The following CACNA1C variants were observed in gnomAD, a reference collection of about 807,000 sequenced individuals.
CACNA1C encodes voltage-dependent L-type calcium channel subunit alpha-1C.
A neutral mutation model predicts 229.0 loss-of-function variants in CACNA1C; 30 were observed. The observed-to-expected ratio is 0.13, with a 90% CI of 0.10 to 0.18. CACNA1C has a LOEUF of 0.18. Ranked by LOEUF, CACNA1C falls within the 10% of genes least tolerant of loss-of-function variation. CACNA1C has a pLI of 1.00. For synonymous variants in CACNA1C, 1,114 were observed against 1,132.5 expected (o/e 0.98, Z 0.33); for missense variants, 1,658 against 2,845.0 (o/e 0.58, Z 9.49).
intron 3 of CACNA1C, among the ~76,000 whole-genome samples, chr12:2,374,914 C>T (rs190785296): frequency 6.2e-4 from 95 of 152,300 alleles, no homozygotes; most frequent in African/African-American, 2.0e-3. Flanking sequence ...GGCTTCACAT[C>T]GGGATCTGTG....
At chr12:2,588,272 G>A (rs573939470) in intron 18 of CACNA1C, among the ~76,000 whole-genome samples, 73 of 152,324 alleles carry the variant, frequency 4.8e-4, no homozygotes, top group Middle Eastern at 3.4e-3. Flanking sequence ...CTTCCAGGCC[G>A]CTGGCCCCTG....
chr12:2,166,134 C>T (rs2096213864), intron 3 of CACNA1C, among the ~76,000 whole-genome samples: 1 of 152,184 alleles, frequency 6.6e-6, no homozygotes, highest in African/African-American at 2.4e-5. Flanking sequence ...TGTGTTACAT[C>T]AGCCCTCAGC....
intron 43 of CACNA1C, among the ~76,000 whole-genome samples, chr12:2,684,757 A>C (rs1169717928): frequency 6.6e-6 from 1 of 152,236 alleles, no homozygotes; most frequent in Non-Finnish European, 1.5e-5. Context: ...GATTTGCATA[A>C]GAAGAAAATA....
intron 3 of CACNA1C, among the ~76,000 whole-genome samples, chr12:2,357,419 GT>G: frequency 6.6e-6 from 1 of 152,252 alleles, no homozygotes; most frequent in East Asian, 1.9e-4. Context: ...TTTGGGGCAT[GT>G]TTTGTTTGGT....
chr12:2,670,774 G>A (rs748607669), intron 38 of CACNA1C, among the ~76,000 whole-genome samples: 48 of 151,670 alleles, frequency 3.2e-4, no homozygotes, highest in Admixed American at 5.9e-4. Context: ...CAGGAGAATC[G>A]CTTGAACCTG....
At chr12:2,582,755 C>T in intron 14 of CACNA1C, 67 bp from the exon 15 acceptor site, 8 of 1,572,588 alleles carry the variant, frequency 5.1e-6, no homozygotes, top group Non-Finnish European at 7.0e-6. Context: ...TGGGGCAGGG[C>T]AGGGTGGTTT....
chr12:2,315,897 C>G (rs748814018), intron 3 of CACNA1C, among the ~76,000 whole-genome samples: 6 of 152,196 alleles, frequency 3.9e-5, no homozygotes, highest in African/African-American at 7.2e-5. Flanking sequence ...TGGTCAAAGT[C>G]TCTTAATGTC....
At chr12:1,987,874 T>A (rs2038252156) in intron 1 of CACNA1C, among the ~76,000 whole-genome samples, 1 of 152,226 alleles carries the variant, frequency 6.6e-6, no homozygotes, top group Non-Finnish European at 1.5e-5. Flanking sequence ...AAGGGTTTCT[T>A]CTGTCTCCCT....
chr12:2,241,620 A>C (rs2070297517), intron 3 of CACNA1C, among the ~76,000 whole-genome samples: 1 of 152,162 alleles, frequency 6.6e-6, no homozygotes, highest in Non-Finnish European at 1.5e-5. Flanking sequence ...CCAGCTGAGC[A>C]CTGGCAGGTG....
chr12:2,695,429 T>G lies in CACNA1C; in HGVS notation c.*4230T>G, dbSNP rs2097833015. On this transcript the variant is annotated 3_prime_UTR_variant, in exon 47 of 47. Coordinates refer to ENST00000399655, the MANE Select transcript of CACNA1C (RefSeq NM_000719.7). ...CCCCCCTCTGCTGATGTCCCTCCCC[T>G]CAGGCTGTCCAGGTGCCACCTGACA... 1 of 152,212 alleles carries G rather than the reference T, an allele frequency of 6.6e-6. No individual in the cohort carries two copies. Among genetic ancestry groups the G allele is most frequent in the African/African-American group, 2.4e-5 (1 of 41,420 alleles). 9.4% of individuals were successfully genotyped at this position (152,212 alleles called of 1,614,324 possible).
intron 39 of CACNA1C, 92 bp downstream of exon 39, chr12:2,674,734 C>T (rs889854353): frequency 1.5e-5 from 18 of 1,207,946 alleles, no homozygotes; most frequent in Middle Eastern, 2.8e-4. Context: ...CCTTAGAATG[C>T]GGAAGCATCC....
At chr12:2,540,095 G>A (rs1054129683) in intron 9 of CACNA1C, among the ~76,000 whole-genome samples, 5 of 152,240 alleles carry the variant, frequency 3.3e-5, no homozygotes, top group Non-Finnish European at 5.9e-5. Flanking sequence ...GGGAGCGAAC[G>A]CCCCACCTCT....
chr12:2,009,867 A>T (rs921619164), intron 1 of CACNA1C, among the ~76,000 whole-genome samples: 4 of 152,182 alleles, frequency 2.6e-5, no homozygotes, highest in Non-Finnish European at 5.9e-5. Flanking sequence ...AAATGACCTC[A>T]CCTATACCCT....
chr12:2,302,427 G>A (rs1017241445), intron 3 of CACNA1C, among the ~76,000 whole-genome samples: 3 of 151,958 alleles, frequency 2.0e-5, no homozygotes, highest in East Asian at 1.9e-4. Flanking sequence ...GGAGGCAGCC[G>A]TAGCGTCAGT....
Position 2,688,719 on chromosome 12 carries a change from C to T in CACNA1C, c.6057C>T (p.Pro2019=), listed in dbSNP as rs1556311718. ...RRVRPVSLMV[P]SQAGAPGRQF... ...TCCGGCCCGTCTCCCTCATGGTGCC[C>T]AGCCAGGCTGGGGCCCCAGGGAGGC... The change falls in exon 46 of 47, where the codon CCC becomes CCT. Residue 2019 remains proline, a synonymous_variant. Transcript: ENST00000399655. The T allele has an allele frequency of 1.2e-6, 2 of 1,605,122 alleles. No homozygotes were observed. Among genetic ancestry groups the T allele is most frequent in the Non-Finnish European group, 1.7e-6 (2 of 1,175,426 alleles).
At chr12:2,016,675 T>C (rs1229602828) in intron 1 of CACNA1C, among the ~76,000 whole-genome samples, 1 of 152,102 alleles carries the variant, frequency 6.6e-6, no homozygotes, top group Non-Finnish European at 1.5e-5. Context: ...GGTGATCCGC[T>C]CCTCTCAGCC....
chr12:2,219,541 CTG>C (rs1278808425), intron 3 of CACNA1C, among the ~76,000 whole-genome samples: 3 of 152,174 alleles, frequency 2.0e-5, no homozygotes, highest in Non-Finnish European at 2.9e-5. Flanking sequence ...TTTTTGGGGA[CTG>C]TGCCACTCTT....
At chr12:2,052,481 A>G (rs1397896380), upstream of CACNA1C, among the ~76,000 whole-genome samples, 1 of 152,050 alleles carries the variant, frequency 6.6e-6, no homozygotes, top group East Asian at 1.9e-4. Context: ...TTCCGCTCAC[A>G]GAGGCCTTCC....
chr12:2,608,403 T>A lies in CACNA1C; in HGVS notation c.3357-108T>A, dbSNP rs1313621722. 1 of 780,296 alleles carries A rather than the reference T, an allele frequency of 1.3e-6. No homozygotes were observed. The highest frequency in any genetic ancestry group is 1.7e-5 in the African/African-American group (1 of 57,498). The allele number at this position is 780,296 out of a possible 1,614,324, so 48.3% of individuals were successfully genotyped here. On this transcript the variant is annotated intron_variant, in intron 26 of 46. Coordinates refer to ENST00000399655, the MANE Select transcript of CACNA1C (RefSeq NM_000719.7). This position sits in a 1 kb window ranked among gnomAD's most constrained non-coding sequence, Gnocchi z 4.2. ...CCGAGCTGGGACTCCAGCCCAGAGC[T>A]GTCTCCTGCACCCTGATCCCTGGGA...
Sources: gnomAD v4.1 joint callset for allele counts (sites outside exome capture counted in the v4.1 genomes callset) on GRCh38, gnomAD v4.1.1 for gene constraint, Gnocchi (gnomAD v3.1) non-coding constraint, MANE v1.5 for transcripts, NCBI Gene and HGNC (gene_info 2026-07-23, HGNC 2026-07-21) for gene names.